Variants in MPP7 observed in about 807,000 individuals in gnomAD.
The protein encoded by MPP7 is MAGUK p55 subfamily member 7.
Under a neutral mutation model 76.5 loss-of-function variants are expected in MPP7, and 60 were observed. The ratio of observed to expected loss-of-function variants is 0.78; its 90% CI spans 0.64 to 0.97. The LOEUF (loss-of-function observed/expected upper bound fraction) is 0.97, where lower values mean the gene tolerates loss of function less well. Ranked by LOEUF, MPP7 falls within the 50% of genes least tolerant of loss-of-function variation. MPP7 has a pLI of 0.00. For synonymous variants in MPP7, 237 were observed against 244.5 expected (o/e 0.97, Z 0.29); for missense variants, 641 against 694.0 (o/e 0.92, Z 0.86).
At chr10:28,172,270 T>C (rs7092972) in intron 3 of MPP7, among the ~76,000 whole-genome samples, 20,159 of 152,132 alleles carry the variant, frequency 0.13, 2,017 homozygotes, top group African/African-American at 0.28. Flanking sequence ...AACAAATACA[T>C]TGTTAAGTAA....
chr10:28,178,463 G>A (rs1186076483), intron 3 of MPP7, among the ~76,000 whole-genome samples: 13 of 151,722 alleles, frequency 8.6e-5, no homozygotes, highest in African/African-American at 3.1e-4. Context: ...GAAAAAAAAA[G>A]TCCCAGAGTA....
chr10:28,181,849 C>G (rs1837068949), intron 3 of MPP7, among the ~76,000 whole-genome samples: 1 of 152,130 alleles, frequency 6.6e-6, no homozygotes, highest in Non-Finnish European at 1.5e-5. Context: ...CCCAGAGGAC[C>G]CCGCTAGAGC....
intron 13 of MPP7, among the ~76,000 whole-genome samples, chr10:28,065,253 C>A (rs1285730723): frequency 6.6e-6 from 1 of 152,158 alleles, no homozygotes; most frequent in East Asian, 1.9e-4. Flanking sequence ...CACACGGCAT[C>A]CCACAGCAGG....
intron 1 of MPP7, among the ~76,000 whole-genome samples, chr10:28,287,071 A>G (rs1328123999): frequency 6.6e-6 from 1 of 152,230 alleles, no homozygotes; most frequent in African/African-American, 2.4e-5. Context: ...ACATGAAATA[A>G]AAACTAAAAG....
intron 2 of MPP7, among the ~76,000 whole-genome samples, chr10:28,219,238 G>GA (rs1838415326): frequency 1.3e-5 from 2 of 151,988 alleles, no homozygotes; most frequent in African/African-American, 2.4e-5. Flanking sequence ...TCTAAAATGG[G>GA]AAAAAATTTA....
At position 28,266,365 on chromosome 10, in the gene MPP7, G is replaced by A. The variant is rs115829145; in HGVS notation, c.-131-27630C>T. The stretch of plus-strand genomic sequence containing the variant: ...TGATTCTAAAGAGAAATGCTTTCAC[G>A]GTCCTCAAATTGTAACATCAAGCTC... On this transcript the variant is annotated intron_variant, in intron 1 of 16. Coordinates refer to ENST00000683449, the MANE Select transcript of MPP7 (RefSeq NM_001318170.2). Among the ~76,000 whole-genome samples the A allele has an allele frequency of 7.3e-3, 1,110 of 152,198 alleles. 14 individuals carry two copies. The highest frequency in any genetic ancestry group is 0.025 in the African/African-American group (1,045 of 41,512).
chr10:28,124,774 C>T (rs563827638), intron 7 of MPP7, among the ~76,000 whole-genome samples: 41 of 152,244 alleles, frequency 2.7e-4, no homozygotes, highest in Non-Finnish European at 4.4e-4. Flanking sequence ...TGAGCCACCA[C>T]GCCCGGCCCA....
At chr10:28,289,333 G>C (rs1242574761) in intron 1 of MPP7, 2 of 151,320 alleles carry the variant, frequency 1.3e-5, no homozygotes, top group Admixed American at 1.3e-4. Flanking sequence ...TATCAGTCCA[G>C]ACTAGCAGAC....
chr10:28,210,822 T>C (rs1265568291), intron 2 of MPP7, among the ~76,000 whole-genome samples: 1 of 152,238 alleles, frequency 6.6e-6, no homozygotes, highest in Non-Finnish European at 1.5e-5. Context: ...TACCTCACTC[T>C]GTGAGCCGGT....
intron 1 of MPP7, among the ~76,000 whole-genome samples, chr10:28,266,842 ATTAACT>A (rs1458913451): frequency 6.6e-6 from 1 of 152,212 alleles, no homozygotes; most frequent in Non-Finnish European, 1.5e-5. Flanking sequence ...TTTGAGCATC[ATTAACT>A]TTATGTCTCT....
At chr10:28,132,536 C>A (rs1473211065) in intron 5 of MPP7, among the ~76,000 whole-genome samples, 2 of 152,170 alleles carry the variant, frequency 1.3e-5, no homozygotes, top group Admixed American at 1.3e-4. Context: ...CTCAAGCGAT[C>A]CTAATTCCTC....
At chr10:28,115,076 G>C (rs1185175240) in intron 11 of MPP7, among the ~76,000 whole-genome samples, 2 of 146,330 alleles carry the variant, frequency 1.4e-5, no homozygotes, top group South Asian at 4.4e-4. Flanking sequence ...TAGGTTTTTT[G>C]TTTGTTTGTT....
intron 1 of MPP7, among the ~76,000 whole-genome samples, chr10:28,296,735 A>G (rs1015342509): frequency 6.6e-6 from 1 of 152,224 alleles, no homozygotes; most frequent in African/African-American, 2.4e-5. Flanking sequence ...AGAAAGACTA[A>G]ATGCCTCTTC....
chr10:28,297,645 G>A (rs930959629), intron 1 of MPP7, among the ~76,000 whole-genome samples: 3 of 152,116 alleles, frequency 2.0e-5, no homozygotes, highest in African/African-American at 7.2e-5. Context: ...GTTGCAGTGA[G>A]CCAAGATCGT....
Position 28,238,608 on chromosome 10 carries a change from G to A in MPP7, c.-4C>T, listed in dbSNP as rs747368728. 1.2e-6 allele frequency: 2 copies of A among 1,614,132 alleles called. No homozygotes were observed. Among genetic ancestry groups the A allele is most frequent in the South Asian group, 1.1e-5 (1 of 91,074 alleles). ...ATCCCGTTGACAAAGCTGGCATGAT[G>A]CAAGGTGTAGGAACAGGTCAGCCCA... On this transcript the variant is annotated 5_prime_UTR_variant, in exon 2 of 17. Transcript: ENST00000683449.
rs1341904690 is a variant in MPP7 at position 28,115,469 on chromosome 10, ATGTTTGACAATG to A, written c.952+4170_952+4181del. The stretch of plus-strand genomic sequence containing the variant: ...ACAAGACCCCACCAATATTAAGAAA[ATGTTTGACAATG>A]TTTTAGACATACAAACTTCATGTAA... On this transcript the variant is annotated intron_variant, in intron 11 of 16. Transcript: ENST00000683449. 2.6e-5 allele frequency among the ~76,000 whole-genome samples: 4 copies of A among 152,314 alleles called. No homozygotes were observed. In the East Asian group the frequency reaches 5.8e-4, roughly 22 times the overall value.
At chr10:28,169,955 G>C (rs1836624463) in intron 3 of MPP7, among the ~76,000 whole-genome samples, 1 of 152,078 alleles carries the variant, frequency 6.6e-6, no homozygotes, top group African/African-American at 2.4e-5. Context: ...TCTATTCCAA[G>C]ATTTTTTTAA....
At chr10:28,057,051 G>A (rs1851583852) in intron 15 of MPP7, among the ~76,000 whole-genome samples, 1 of 152,120 alleles carries the variant, frequency 6.6e-6, no homozygotes, top group Admixed American at 6.5e-5. Flanking sequence ...TGCTCTCCAT[G>A]ATGCCTGTCT....
intron 11 of MPP7, among the ~76,000 whole-genome samples, chr10:28,105,323 C>T (rs771153020): frequency 2.6e-5 from 4 of 151,994 alleles, no homozygotes; most frequent in Non-Finnish European, 5.9e-5. Flanking sequence ...TTTACTTTCC[C>T]ATGGTTGAAA....
Sources: allele counts gnomAD v4.1 joint callset (sites outside exome capture counted in the v4.1 genomes callset), GRCh38; gene constraint gnomAD v4.1.1; transcripts MANE v1.5; gene names NCBI Gene and HGNC (gene_info 2026-07-23, HGNC 2026-07-21).